FAM107B: variants seen among roughly 807,000 people sequenced by gnomAD.
FAM107B encodes family with sequence similarity 107 member B.
FAM107B carries 21 observed loss-of-function variants against 31.5 expected under a neutral mutation model. The observed-to-expected ratio is 0.67, with a 90% CI of 0.47 to 0.96. FAM107B has a LOEUF of 0.96. FAM107B is among the 40% of genes least tolerant of loss of function. FAM107B has a pLI of 0.00. For missense variants in FAM107B, 452 were observed against 377.1 expected (o/e 1.20, Z -1.64); for synonymous variants, 157 against 141.5 (o/e 1.11, Z -0.78).
At chr10:14,766,616 T>C (rs1833166823) in intron 1 of FAM107B, among the ~76,000 whole-genome samples, 1 of 151,990 alleles carries the variant, frequency 6.6e-6, no homozygotes, top group Non-Finnish European at 1.5e-5. Flanking sequence ...AGTGGGATTA[T>C]CAGGAACTGA....
At chr10:14,646,895 G>A (rs916000307) in intron 2 of FAM107B, among the ~76,000 whole-genome samples, 3 of 138,094 alleles carry the variant, frequency 2.2e-5, no homozygotes, top group Non-Finnish European at 3.0e-5. Context: ...CTGGATTCAC[G>A]CCATTCTCCT....
chr10:14,765,093 C>T (rs145412834), intron 1 of FAM107B, among the ~76,000 whole-genome samples: 2 of 152,334 alleles, frequency 1.3e-5, no homozygotes, highest in African/African-American at 4.8e-5. Flanking sequence ...TATGGGTCGA[C>T]CTCTTCCCTT....
intron 1 of FAM107B, among the ~76,000 whole-genome samples, chr10:14,712,720 G>T (rs999412063): frequency 6.6e-6 from 1 of 152,130 alleles, no homozygotes; most frequent in Non-Finnish European, 1.5e-5. Flanking sequence ...CTGGGAAGAG[G>T]TTTTAAAAAA....
chr10:14,616,960 G>A (rs1235499081), intron 2 of FAM107B, among the ~76,000 whole-genome samples: 12 of 151,382 alleles, frequency 7.9e-5, no homozygotes. Context: ...GAGAGAGTAA[G>A]GAAAGTAAAA....
intron 1 of FAM107B, among the ~76,000 whole-genome samples, chr10:14,681,112 C>G (rs918041755): frequency 2.6e-5 from 4 of 152,182 alleles, no homozygotes; most frequent in African/African-American, 9.7e-5. Context: ...GTAGCTACAG[C>G]AAAAGACAGA....
chr10:14,760,498 T>A (rs1447010162), intron 1 of FAM107B, among the ~76,000 whole-genome samples: 1 of 150,280 alleles, frequency 6.7e-6, no homozygotes, highest in African/African-American at 2.5e-5. Context: ...ACCTTATTAT[T>A]CTCTGCGACA....
At chr10:14,675,159 T>G (rs1854651731) in intron 1 of FAM107B, among the ~76,000 whole-genome samples, 1 of 152,144 alleles carries the variant, frequency 6.6e-6, no homozygotes, top group South Asian at 2.1e-4. Context: ...GTGCATTAAG[T>G]GTTAAATCAT....
intron 1 of FAM107B, among the ~76,000 whole-genome samples, chr10:14,725,390 G>A (rs1253547160): frequency 6.6e-6 from 1 of 152,226 alleles, no homozygotes; most frequent in Non-Finnish European, 1.5e-5. Flanking sequence ...TGGATTTCAT[G>A]TTCAATCAAA....
At chr10:14,734,525 T>A (rs1473113720) in intron 1 of FAM107B, among the ~76,000 whole-genome samples, 1 of 148,240 alleles carries the variant, frequency 6.7e-6, no homozygotes, top group East Asian at 2.0e-4. Context: ...CTATCGTTAG[T>A]GTTAGTGTAT....
chr10:14,698,983 G>A (rs960597057), intron 1 of FAM107B, among the ~76,000 whole-genome samples: 1 of 152,178 alleles, frequency 6.6e-6, no homozygotes. Context: ...TTTCAGAGGT[G>A]ACAAAAATCT....
intron 2 of FAM107B, among the ~76,000 whole-genome samples, chr10:14,569,053 G>A (rs1217913810): frequency 6.6e-6 from 1 of 152,170 alleles, no homozygotes; most frequent in Non-Finnish European, 1.5e-5. Flanking sequence ...CTGAGCTACA[G>A]AATGAATTTT....
intron 2 of FAM107B, among the ~76,000 whole-genome samples, chr10:14,581,036 G>C (rs1482084429): frequency 6.6e-6 from 1 of 152,186 alleles, no homozygotes; most frequent in African/African-American, 2.4e-5. Flanking sequence ...TCTGCTGCTG[G>C]AAACAGCAGA....
chr10:14,724,825 G>A (rs374088460), intron 1 of FAM107B, among the ~76,000 whole-genome samples: 9 of 152,288 alleles, frequency 5.9e-5, no homozygotes, highest in African/African-American at 1.9e-4. Context: ...CCAACACCTA[G>A]GTCCTAAAGC....
At chr10:14,622,896 G>C (rs1346996732) in intron 2 of FAM107B, among the ~76,000 whole-genome samples, 1 of 152,112 alleles carries the variant, frequency 6.6e-6, no homozygotes, top group Non-Finnish European at 1.5e-5. Flanking sequence ...CTTTCCTGTA[G>C]AAATCACCAC....
At chr10:14,573,466 C>A (rs1851355762) in intron 2 of FAM107B, among the ~76,000 whole-genome samples, 2 of 151,794 alleles carry the variant, frequency 1.3e-5, no homozygotes, top group Non-Finnish European at 2.9e-5. Flanking sequence ...GTGGTTCACA[C>A]CTGTAATCCC....
intron 1 of FAM107B, among the ~76,000 whole-genome samples, chr10:14,772,595 C>T (rs1167963998): frequency 6.6e-6 from 1 of 152,020 alleles, no homozygotes; most frequent in Admixed American, 6.6e-5. Context: ...TGGTTTGGAC[C>T]GCACAGTCAA....
chr10:14,774,230 T>A (rs764029515), intron 1 of FAM107B, 23 bp downstream of exon 1: 17 of 1,584,064 alleles, frequency 1.1e-5, no homozygotes, highest in Admixed American at 6.9e-5. Context: ...CCGTCTATAA[T>A]CGCAGAGCGA....
chr10:14,727,277 G>A (rs1371481111), intron 1 of FAM107B, among the ~76,000 whole-genome samples: 2 of 152,108 alleles, frequency 1.3e-5, no homozygotes, highest in South Asian at 2.1e-4. Context: ...CAGGAGTTGG[G>A]GACCCCTGCT....
chr10:14,674,693 T>C (rs759876603), intron 1 of FAM107B, among the ~76,000 whole-genome samples: 7 of 152,072 alleles, frequency 4.6e-5, no homozygotes, highest in Admixed American at 2.0e-4. Flanking sequence ...CAGCTACAGG[T>C]ATGTTTTGTA....
Sources: gnomAD v4.1 joint callset for allele counts (sites outside exome capture counted in the v4.1 genomes callset) on GRCh38, gnomAD v4.1.1 for gene constraint, MANE v1.5 for transcripts, NCBI Gene and HGNC (gene_info 2026-07-23, HGNC 2026-07-21) for gene names.